The following EFNA5 variants were observed in gnomAD, a reference collection of about 807,000 sequenced individuals.
EFNA5 encodes the protein ephrin-A5.
A neutral mutation model predicts 22.9 loss-of-function variants in EFNA5; 5 were observed. The ratio of observed to expected loss-of-function variants is 0.22; its 90% CI spans 0.11 to 0.46. EFNA5 has a LOEUF of 0.46. Among genes scored for constraint, EFNA5 ranks in the 20% least tolerant of loss-of-function variants. EFNA5 has a pLI of 0.99. For synonymous variants in EFNA5, 113 were observed against 112.2 expected, an observed-to-expected ratio of 1.01 and a Z score of -0.04; for missense variants, 237 against 293.3, an observed-to-expected ratio of 0.81 and a Z score of 1.40.
At chr5:107,426,053 T>C (rs955658591) in intron 2 of EFNA5, among the ~76,000 whole-genome samples, 1 of 152,174 alleles carries the variant, frequency 6.6e-6, no homozygotes, top group East Asian at 1.9e-4. Context: ...TGAATTTATC[T>C]TCATCATCAG....
chr5:107,473,373 C>T (rs1214378291), intron 1 of EFNA5, among the ~76,000 whole-genome samples: 1 of 150,146 alleles, frequency 6.7e-6, no homozygotes, highest in Non-Finnish European at 1.5e-5. Context: ...ATTCCCTAAA[C>T]ATGATAGCAG....
intron 1 of EFNA5, among the ~76,000 whole-genome samples, chr5:107,600,490 CT>C (rs760418289): frequency 2.6e-3 from 378 of 143,842 alleles, no homozygotes; most frequent in Admixed American, 2.6e-3. Context: ...AAATGTTTCT[CT>C]TTTTTTTTTT....
intron 1 of EFNA5, among the ~76,000 whole-genome samples, chr5:107,476,058 T>TATGTATATATATATATATA: frequency 9.7e-5 from 4 of 41,078 alleles, no homozygotes; most frequent in African/African-American, 7.7e-4. Flanking sequence ...ATATATATAT[T>TATGTATATATATATATATA]TTTTTTTTTT....
rs141051237 is a variant in EFNA5 at position 107,434,404 on chromosome 5, G to A, written c.126-6895C>T. 1.9e-4 allele frequency among the ~76,000 whole-genome samples: 29 copies of A among 152,312 alleles called. No individual in the cohort carries two copies. The East Asian group carries it at 5.6e-3, about 29-fold the overall frequency. On this transcript the variant is annotated intron_variant, in intron 1 of 4. Coordinates refer to ENST00000333274, the MANE Select transcript of EFNA5 (RefSeq NM_001962.3). ...CACTCAGGCAGTGCCCTGGGCTTCA[G>A]GCTGCAGAGGAGCAGCACCATAATC...
chr5:107,475,857 T>A (rs535897603), intron 1 of EFNA5, among the ~76,000 whole-genome samples: 2 of 151,288 alleles, frequency 1.3e-5, no homozygotes, highest in South Asian at 4.2e-4. Flanking sequence ...TCTGGAGCAA[T>A]GAGATGTTGT....
chr5:107,667,231 C>T (rs764219593), intron 1 of EFNA5, among the ~76,000 whole-genome samples: 18 of 151,878 alleles, frequency 1.2e-4, no homozygotes, highest in Non-Finnish European at 2.4e-4. Flanking sequence ...CAAATTTGTG[C>T]CAATTCAACA....
intron 4 of EFNA5, among the ~76,000 whole-genome samples, chr5:107,384,112 A>G (rs1302953786): frequency 6.6e-6 from 1 of 152,224 alleles, no homozygotes; most frequent in Non-Finnish European, 1.5e-5. Context: ...ACTGGCTGTC[A>G]TTTGGGTAAA....
At chr5:107,581,197 A>C (rs773484666) in intron 1 of EFNA5, among the ~76,000 whole-genome samples, 8 of 152,224 alleles carry the variant, frequency 5.3e-5, no homozygotes, top group Admixed American at 6.5e-5. Context: ...TAACTTCCAG[A>C]AACATCGCAT....
chr5:107,406,598 T>C (rs925064861), intron 2 of EFNA5, among the ~76,000 whole-genome samples: 4 of 152,240 alleles, frequency 2.6e-5, no homozygotes, highest in Admixed American at 6.5e-5. Flanking sequence ...TATATATATA[T>C]ATCACAATTT....
At chr5:107,462,109 C>A (rs1749849832) in intron 1 of EFNA5, among the ~76,000 whole-genome samples, 1 of 152,080 alleles carries the variant, frequency 6.6e-6, no homozygotes, top group African/African-American at 2.4e-5. Context: ...TGCCAGGATG[C>A]AGACGGACAG....
intron 1 of EFNA5, among the ~76,000 whole-genome samples, chr5:107,490,825 T>A (rs903281138): frequency 2.0e-5 from 3 of 152,208 alleles, no homozygotes; most frequent in Admixed American, 6.5e-5. Context: ...TCAGTATTAA[T>A]CCTAGTTACA....
intron 1 of EFNA5, among the ~76,000 whole-genome samples, chr5:107,574,140 G>A (rs75381874): frequency 6.6e-6 from 1 of 152,048 alleles, no homozygotes; most frequent in African/African-American, 2.4e-5. Context: ...ACTATCAATT[G>A]GTTTTCTTAT....
chr5:107,423,091 A>C (rs1748714421), intron 2 of EFNA5, among the ~76,000 whole-genome samples: 2 of 152,208 alleles, frequency 1.3e-5, no homozygotes, highest in South Asian at 4.1e-4. Context: ...TTAAAGCTCC[A>C]AGAATTTCTG....
chr5:107,427,164 T>TA (rs1748831302), intron 2 of EFNA5, 53 bp downstream of exon 2: 1 of 1,599,528 alleles, frequency 6.3e-7, no homozygotes, highest in African/African-American at 1.3e-5. Flanking sequence ...GGTAAAAAAT[T>TA]AGTCTGGGTT....
chr5:107,484,800 A>ATTT (rs5870263), intron 1 of EFNA5, among the ~76,000 whole-genome samples: 1 of 147,812 alleles, frequency 6.8e-6, no homozygotes. Flanking sequence ...ATGATTTTGT[A>ATTT]TTTTTTTTTT....
intron 4 of EFNA5, among the ~76,000 whole-genome samples, chr5:107,384,105 G>A (rs1747544186): frequency 6.6e-6 from 1 of 152,144 alleles, no homozygotes; most frequent in Admixed American, 6.5e-5. Context: ...ATGAGAAACT[G>A]GCTGTCATTT....
intron 1 of EFNA5, among the ~76,000 whole-genome samples, chr5:107,570,237 C>G (rs1263820484): frequency 1.3e-5 from 2 of 152,194 alleles, no homozygotes; most frequent in Non-Finnish European, 2.9e-5. Flanking sequence ...CTGAACTGGC[C>G]TTCAGTTGGT....
chr5:107,470,865 T>TAA (rs33967547), intron 1 of EFNA5, among the ~76,000 whole-genome samples: 1 of 151,538 alleles, frequency 6.6e-6, no homozygotes, highest in Non-Finnish European at 1.5e-5. Context: ...ACCTTATCTC[T>TAA]AAAAAAAATT....
chr5:107,513,280 C>G (rs1423743653), intron 1 of EFNA5, among the ~76,000 whole-genome samples: 2 of 151,958 alleles, frequency 1.3e-5, no homozygotes, highest in Non-Finnish European at 2.9e-5. Context: ...GAGAGAGAGA[C>G]TCTATCAAAT....
Sources: gnomAD v4.1 joint callset for allele counts (sites outside exome capture counted in the v4.1 genomes callset) on GRCh38, gnomAD v4.1.1 for gene constraint, MANE v1.5 for transcripts, NCBI Gene and HGNC (gene_info 2026-07-23, HGNC 2026-07-21) for gene names.